The following SAXO1 variants were observed in gnomAD, a reference collection of about 807,000 sequenced individuals.
SAXO1 encodes 4930500O09Rik.
SAXO1 carries 21 observed loss-of-function variants against 17.5 expected under a neutral mutation model. That is an observed-to-expected ratio of 1.20 (90% confidence interval 0.85 to 1.72). The LOEUF is 1.72. SAXO1 is among the 40% of genes most tolerant of loss of function. SAXO1 has a pLI of 0.00. For synonymous variants in SAXO1, 274 were observed against 216.5 expected, an observed-to-expected ratio of 1.27 and a Z score of -2.33; for missense variants, 843 against 596.0, an observed-to-expected ratio of 1.41 and a Z score of -4.32.
chr9:18,980,602 G>C (rs1251736171), intron 1 of SAXO1, among the ~76,000 whole-genome samples: 1 of 151,414 alleles, frequency 6.6e-6, no homozygotes, highest in Non-Finnish European at 1.5e-5. Flanking sequence ...CACCAGGCTG[G>C]GGCTAAAGAA....
At chr9:18,959,623 T>C (rs1432150100) in intron 1 of SAXO1, among the ~76,000 whole-genome samples, 1 of 152,012 alleles carries the variant, frequency 6.6e-6, no homozygotes, top group Non-Finnish European at 1.5e-5. Context: ...ATACAAAAAT[T>C]GGCCAGGTGT....
intron 3 of SAXO1, among the ~76,000 whole-genome samples, chr9:18,937,088 G>C (rs560423595): frequency 2.6e-5 from 4 of 152,318 alleles, no homozygotes; most frequent in Admixed American, 1.3e-4. Context: ...AAACATGAAG[G>C]TTGTTATGGA....
chr9:18,952,953 T>C (rs1832094741), intron 1 of SAXO1, among the ~76,000 whole-genome samples: 2 of 152,212 alleles, frequency 1.3e-5, no homozygotes, highest in South Asian at 2.1e-4. Context: ...AGACAAATTG[T>C]TATGTTTGCA....
intron 1 of SAXO1, among the ~76,000 whole-genome samples, chr9:19,018,685 C>A (rs1406562510): frequency 2.0e-5 from 3 of 152,096 alleles, no homozygotes; most frequent in Non-Finnish European, 4.4e-5. Flanking sequence ...AATACAGTAC[C>A]CAAAAGTTAT....
intron 1 of SAXO1, among the ~76,000 whole-genome samples, chr9:19,046,279 A>T (rs1836213847): frequency 6.6e-6 from 1 of 152,162 alleles, no homozygotes; most frequent in Non-Finnish European, 1.5e-5. Flanking sequence ...TGTGGAAATT[A>T]AAAATATGAT....
At chr9:18,985,619 G>A (rs1362357172) in intron 1 of SAXO1, among the ~76,000 whole-genome samples, 1 of 152,256 alleles carries the variant, frequency 6.6e-6, no homozygotes, top group East Asian at 1.9e-4. Flanking sequence ...GATGGGCAGA[G>A]ACCCAGCACC....
At chr9:19,046,467 G>A (rs1288674793) in intron 1 of SAXO1, among the ~76,000 whole-genome samples, 4 of 152,014 alleles carry the variant, frequency 2.6e-5, no homozygotes, top group African/African-American at 9.7e-5. Context: ...AGGCCGAGGC[G>A]GGCAGATCAC....
At chr9:19,037,589 T>C (rs140667169), upstream of SAXO1, among the ~76,000 whole-genome samples, 684 of 152,246 alleles carry the variant, frequency 4.5e-3, 3 homozygotes, top group African/African-American at 0.016. Context: ...AAGAAGTGCC[T>C]TTCACCTCCC....
chr9:18,996,234 G>A (rs530424906), intron 1 of SAXO1, among the ~76,000 whole-genome samples: 33 of 152,040 alleles, frequency 2.2e-4, no homozygotes, highest in Non-Finnish European at 3.8e-4. Flanking sequence ...TTTCTTCTTC[G>A]CTGCAGTATT....
chr9:19,031,156 A>G (rs1010651252), intron 1 of SAXO1, among the ~76,000 whole-genome samples: 3 of 152,382 alleles, frequency 2.0e-5, no homozygotes, highest in Admixed American at 2.0e-4. Context: ...CTTAATGAGC[A>G]TTCTGCCTTC....
chr9:19,021,325 A>C (rs955591529), intron 1 of SAXO1, among the ~76,000 whole-genome samples: 5 of 152,230 alleles, frequency 3.3e-5, no homozygotes, highest in African/African-American at 1.2e-4. Flanking sequence ...AACAGATCAG[A>C]CACCGCAAGA....
At chr9:18,941,009 G>A (rs984113532) in intron 3 of SAXO1, among the ~76,000 whole-genome samples, 1 of 151,996 alleles carries the variant, frequency 6.6e-6, no homozygotes, top group South Asian at 2.1e-4. Context: ...TCTTGATCTG[G>A]GTACTGTTTA....
intron 1 of SAXO1, among the ~76,000 whole-genome samples, chr9:19,016,351 G>C (rs142487984): frequency 0.01 from 1,584 of 152,288 alleles, 33 homozygotes; most frequent in African/African-American, 0.036. Context: ...CAGAAGAATC[G>C]CTTGAACCCA....
At chr9:19,020,703 T>C (rs1045017522) in intron 1 of SAXO1, among the ~76,000 whole-genome samples, 5 of 152,320 alleles carry the variant, frequency 3.3e-5, no homozygotes, top group Admixed American at 1.3e-4. Context: ...ATGCTTGCTA[T>C]GTTCTTCTCA....
At chr9:18,933,977 C>A (rs532255550) in intron 3 of SAXO1, among the ~76,000 whole-genome samples, 1 of 152,230 alleles carries the variant, frequency 6.6e-6, no homozygotes, top group East Asian at 1.9e-4. Context: ...ACCCGGGAGG[C>A]GGAGCTTGCA....
At chr9:19,027,468 G>T in intron 1 of SAXO1, 2 of 782,838 alleles carry the variant, frequency 2.6e-6, no homozygotes, top group Middle Eastern at 2.3e-4. Context: ...TGAACCACAA[G>T]GAGAAGTTTG....
intron 1 of SAXO1, among the ~76,000 whole-genome samples, chr9:18,966,312 T>C (rs568572412): frequency 2.6e-5 from 4 of 152,346 alleles, no homozygotes; most frequent in Non-Finnish European, 5.9e-5. Context: ...GAAGTTCCCC[T>C]GGATTATATC....
chr9:18,987,875 C>A (rs1833658698), intron 1 of SAXO1, among the ~76,000 whole-genome samples: 2 of 142,796 alleles, frequency 1.4e-5, no homozygotes, highest in Admixed American at 7.2e-5. Flanking sequence ...ATAACCTGGG[C>A]AACAGAGTGA....
intron 1 of SAXO1, among the ~76,000 whole-genome samples, chr9:18,968,113 A>T (rs79902272): frequency 6.6e-6 from 1 of 152,190 alleles, no homozygotes; most frequent in Non-Finnish European, 1.5e-5. Flanking sequence ...CTAAGTGAGT[A>T]CCTCAGTTGG....
Sources: gnomAD v4.1 joint callset for allele counts (sites outside exome capture counted in the v4.1 genomes callset) on GRCh38, gnomAD v4.1.1 for gene constraint, MANE v1.5 for transcripts, NCBI Gene and HGNC (gene_info 2026-07-23, HGNC 2026-07-21) for gene names.